The following IGF1R variants were observed in gnomAD, a reference collection of about 807,000 sequenced individuals.
The protein encoded by IGF1R is insulin like growth factor 1 receptor, also known as insulin-like growth factor 1 receptor.
In IGF1R, 44 loss-of-function variants were observed where a neutral mutation model predicts 144.6. The observed-to-expected ratio is 0.30, with a 90% CI of 0.24 to 0.39. The LOEUF (loss-of-function observed/expected upper bound fraction) is 0.39. Ranked by LOEUF, IGF1R falls within the 10% of genes least tolerant of loss-of-function variation. The pLI is 1.00. For missense variants in IGF1R, 1,355 were observed against 1,833.7 expected (o/e 0.74, Z 4.77); for synonymous variants, 795 against 722.8 (o/e 1.10, Z -1.60).
chr15:98,919,617 G>A (rs950445768), intron 10 of IGF1R, among the ~76,000 whole-genome samples: 1 of 152,214 alleles, frequency 6.6e-6, no homozygotes, highest in Non-Finnish European at 1.5e-5. Context: ...TACTGGAGAA[G>A]TGTGTTTATC....
rs561193612 is a variant in IGF1R at position 98,858,218 on chromosome 15, C to T, written c.641-33107C>T. 5.3e-5 allele frequency among the ~76,000 whole-genome samples: 8 copies of T among 152,276 alleles called. No homozygotes were observed. In the East Asian group the frequency reaches 1.4e-3, roughly 26 times the overall value. On this transcript the variant is annotated intron_variant, in intron 2 of 20. Transcript: ENST00000650285. ...AAAATTCTAAAACAAAATTGAAACA[C>T]TCATTTGAGTTTAAAATTTTAGTTG...
chr15:98,738,236 A>G (rs2054657656), intron 2 of IGF1R, among the ~76,000 whole-genome samples: 1 of 152,192 alleles, frequency 6.6e-6, no homozygotes, highest in South Asian at 2.1e-4. Flanking sequence ...GAGTCTCACT[A>G]GTTTGCCCCG....
intron 1 of IGF1R, among the ~76,000 whole-genome samples, chr15:98,678,954 C>T (rs1163958909): frequency 2.1e-5 from 3 of 143,554 alleles, no homozygotes; most frequent in Admixed American, 7.0e-5. Context: ...AACAGGATCT[C>T]GCTCTTGTCC....
rs561517500 is a variant in IGF1R at position 98,960,911 on chromosome 15, C to A, written c.*3469C>A. ...CCGAGGCTCGTGGCGTCACGCCCCC[C>A]CCGCCAGGGCTGTACCTCCGTCTCC... On this transcript the variant is annotated 3_prime_UTR_variant, in exon 21 of 21. Transcript: ENST00000650285. 2.1e-5 allele frequency: 5 copies of A among 234,100 alleles called. No homozygotes were observed. Among genetic ancestry groups the A allele is most frequent in the South Asian group, 1.8e-4 (1 of 5,538 alleles). 14.5% of individuals were successfully genotyped at this position (234,100 alleles called of 1,614,324 possible).
At chr15:98,666,685 G>T (rs773204261) in intron 1 of IGF1R, among the ~76,000 whole-genome samples, 1 of 152,150 alleles carries the variant, frequency 6.6e-6, no homozygotes, top group African/African-American at 2.4e-5. Context: ...ATGTAGAGTA[G>T]TCACATTCAT....
intron 2 of IGF1R, among the ~76,000 whole-genome samples, chr15:98,808,685 T>TTTTC (rs67640057): frequency 1.3e-5 from 2 of 151,130 alleles, no homozygotes; most frequent in Non-Finnish European, 2.9e-5. Context: ...ATTTTTTTTT[T>TTTTC]TTTCTTTTTG....
chr15:98,882,322 A>G (rs2013425674), intron 2 of IGF1R, among the ~76,000 whole-genome samples: 1 of 152,194 alleles, frequency 6.6e-6, no homozygotes. Context: ...GCGCATTTTT[A>G]ATATGTGTAT....
At chr15:98,743,993 C>G (rs2054807019) in intron 2 of IGF1R, among the ~76,000 whole-genome samples, 1 of 152,036 alleles carries the variant, frequency 6.6e-6, no homozygotes, top group African/African-American at 2.4e-5. Context: ...GGAGGAAGAT[C>G]AGGTGGGGAC....
chr15:98,910,540 G>A (rs546516192), intron 6 of IGF1R, among the ~76,000 whole-genome samples: 4 of 152,298 alleles, frequency 2.6e-5, no homozygotes, highest in East Asian at 3.9e-4. Flanking sequence ...AGGACAATTC[G>A]TCAGAGAGCT....
At chr15:98,693,717 T>C (rs553515470) in intron 1 of IGF1R, among the ~76,000 whole-genome samples, 2 of 152,360 alleles carry the variant, frequency 1.3e-5, no homozygotes, top group African/African-American at 2.4e-5. Context: ...GTGATTCTTG[T>C]GCTTCAGCCT....
At chr15:98,762,706 C>A (rs1434425710) in intron 2 of IGF1R, among the ~76,000 whole-genome samples, 1 of 151,738 alleles carries the variant, frequency 6.6e-6, no homozygotes, top group Non-Finnish European at 1.5e-5. Flanking sequence ...CCAGCCTGGG[C>A]AGTGAGTGAA....
intron 2 of IGF1R, among the ~76,000 whole-genome samples, chr15:98,799,852 G>C (rs1281770906): frequency 6.6e-6 from 1 of 152,196 alleles, no homozygotes; most frequent in Non-Finnish European, 1.5e-5. Context: ...CAAGAGTTGA[G>C]AGGGGAACAG....
At chr15:98,703,136 C>T (rs569199011) in intron 1 of IGF1R, among the ~76,000 whole-genome samples, 51 of 152,196 alleles carry the variant, frequency 3.4e-4, no homozygotes, top group African/African-American at 1.2e-3. Context: ...TACCCTTTCT[C>T]TCTGCTTCCC....
intron 2 of IGF1R, chr15:98,873,815 A>G (rs946244563): frequency 6.6e-6 from 1 of 152,216 alleles, no homozygotes. Flanking sequence ...GCTATTACAG[A>G]TGGTATCCTT....
At chr15:98,885,526 G>C (rs1401065161) in intron 2 of IGF1R, among the ~76,000 whole-genome samples, 1 of 151,690 alleles carries the variant, frequency 6.6e-6, no homozygotes, top group Non-Finnish European at 1.5e-5. Flanking sequence ...TCACTTTCGT[G>C]AAGTTAGGAG....
intron 19 of IGF1R, 64 bp downstream of exon 19, chr15:98,943,116 A>G: frequency 5.1e-6 from 8 of 1,570,236 alleles, no homozygotes; most frequent in Non-Finnish European, 7.0e-6. Flanking sequence ...CCACCAGCTC[A>G]GTCTCTAGGG....
At chr15:98,888,975 A>G (rs2013777992) in intron 2 of IGF1R, among the ~76,000 whole-genome samples, 1 of 152,204 alleles carries the variant, frequency 6.6e-6, no homozygotes, top group South Asian at 2.1e-4. Flanking sequence ...CATTCCAGCC[A>G]GCAAGGAGGA....
At chr15:98,883,575 G>A (rs1452353311) in intron 2 of IGF1R, among the ~76,000 whole-genome samples, 1 of 152,196 alleles carries the variant, frequency 6.6e-6, no homozygotes, top group African/African-American at 2.4e-5. Flanking sequence ...ATAGGGATGG[G>A]GAGTAGTGTG....
intron 2 of IGF1R, among the ~76,000 whole-genome samples, chr15:98,755,800 CA>C: frequency 9.8e-6 from 1 of 101,896 alleles, no homozygotes; most frequent in East Asian, 3.6e-4. Flanking sequence ...TGTGTTTTAA[CA>C]AGGAATATGT....
Sources: gnomAD v4.1 joint callset for allele counts (sites outside exome capture counted in the v4.1 genomes callset) on GRCh38, gnomAD v4.1.1 for gene constraint, MANE v1.5 for transcripts, NCBI Gene and HGNC (gene_info 2026-07-23, HGNC 2026-07-21) for gene names.